MBD5: variants seen among roughly 807,000 people sequenced by gnomAD.
MBD5 encodes the protein methyl-CpG binding domain protein 5.
MBD5 carries 13 observed loss-of-function variants against 117.3 expected under a neutral mutation model. That is an observed-to-expected ratio of 0.11 (90% CI 0.07 to 0.18). MBD5 has a LOEUF of 0.18. Ranked by LOEUF, MBD5 falls within the 10% of genes least tolerant of loss-of-function variation. The probability of loss-of-function intolerance (pLI) is 1.00; values close to 1 mark genes in which losing one functional copy is unlikely to be tolerated. For missense variants in MBD5, 1,879 were observed against 2,093.8 expected, an observed-to-expected ratio of 0.90 and a Z score of 2.00; for synonymous variants, 727 against 766.4, an observed-to-expected ratio of 0.95 and a Z score of 0.85.
intron 3 of MBD5, among the ~76,000 whole-genome samples, chr2:148,239,427 C>T (rs1218513637): frequency 6.6e-6 from 1 of 152,030 alleles, no homozygotes; most frequent in Non-Finnish European, 1.5e-5. Context: ...AATGAAATGC[C>T]CTACGACTTT....
chr2:148,389,221 G>C (rs372574530), intron 4 of MBD5, among the ~76,000 whole-genome samples: 1 of 70,362 alleles, frequency 1.4e-5, no homozygotes, highest in African/African-American at 5.2e-5. Context: ...GTGTGTGTGT[G>C]TGTAATGTGA....
At chr2:148,435,987 C>T (rs759798500) in intron 4 of MBD5, among the ~76,000 whole-genome samples, 20 of 152,242 alleles carry the variant, frequency 1.3e-4, no homozygotes, top group African/African-American at 4.3e-4. Flanking sequence ...TTCAAGTAAA[C>T]GAAGGCAAAT....
rs554899310 is a variant in MBD5 at position 148,456,755 on chromosome 2, A to G, written c.-556-1448A>G. Among the ~76,000 whole-genome samples, 5 of 152,200 alleles carry G rather than the reference A, an allele frequency of 3.3e-5. No individual in the cohort carries two copies. In the South Asian group the frequency reaches 1.0e-3, roughly 32 times the overall value. On this transcript the variant is annotated intron_variant, in intron 4 of 13. Transcript: ENST00000642680. ...TGAAATTTTTCCCAGTAAATTTTTG[A>G]TATTTTCCCCATTGCCTGCCAGTGT...
At chr2:148,334,917 C>T (rs1702748982) in intron 3 of MBD5, among the ~76,000 whole-genome samples, 1 of 151,998 alleles carries the variant, frequency 6.6e-6, no homozygotes, top group Admixed American at 6.6e-5. Context: ...TTTATGTATC[C>T]TATATTTTAT....
chr2:148,465,562 G>C (rs562062339), intron 7 of MBD5, among the ~76,000 whole-genome samples: 1 of 152,202 alleles, frequency 6.6e-6, no homozygotes, highest in East Asian at 1.9e-4. Context: ...CTTTATGGCA[G>C]AACTGAGATT....
At chr2:148,459,262 A>C (rs1574447425) in intron 5 of MBD5, among the ~76,000 whole-genome samples, 1 of 152,256 alleles carries the variant, frequency 6.6e-6, no homozygotes, top group Admixed American at 6.5e-5. Flanking sequence ...TATCCATAGA[A>C]AGTTTCAATT....
At chr2:148,362,438 C>G (rs1348048970) in intron 4 of MBD5, among the ~76,000 whole-genome samples, 2 of 152,158 alleles carry the variant, frequency 1.3e-5, no homozygotes, top group African/African-American at 4.8e-5. Context: ...CTCTCTAGAT[C>G]CCTCCTCTGT....
intron 1 of MBD5, among the ~76,000 whole-genome samples, chr2:148,170,325 T>A (rs1335205673): frequency 6.6e-6 from 1 of 152,242 alleles, no homozygotes; most frequent in Non-Finnish European, 1.5e-5. Context: ...TACTAAGTAA[T>A]GGCTGAAGTA....
chr2:148,396,802 C>G (rs1574378470), intron 4 of MBD5, among the ~76,000 whole-genome samples: 1 of 152,178 alleles, frequency 6.6e-6, no homozygotes, highest in East Asian at 1.9e-4. Flanking sequence ...GGGCACAACT[C>G]CTGTCAACAC....
At chr2:148,329,471 C>G (rs867628043) in intron 3 of MBD5, among the ~76,000 whole-genome samples, 1 of 151,366 alleles carries the variant, frequency 6.6e-6, no homozygotes, top group Non-Finnish European at 1.5e-5. Flanking sequence ...TTTCAATTTC[C>G]CCTTAATGTT....
intron 4 of MBD5, among the ~76,000 whole-genome samples, chr2:148,419,705 G>A (rs1315896652): frequency 6.6e-6 from 1 of 151,950 alleles, no homozygotes; most frequent in Non-Finnish European, 1.5e-5. Context: ...CTTTTTATAT[G>A]TTAGTATTAT....
At chr2:148,494,662 G>T (rs1246311266) in intron 11 of MBD5, among the ~76,000 whole-genome samples, 1 of 152,146 alleles carries the variant, frequency 6.6e-6, no homozygotes, top group South Asian at 2.1e-4. Flanking sequence ...TTAACAATTT[G>T]TAATAAAGTA....
At chr2:148,022,043 A>C (rs1294103786) in intron 1 of MBD5, among the ~76,000 whole-genome samples, 1 of 152,182 alleles carries the variant, frequency 6.6e-6, no homozygotes, top group Non-Finnish European at 1.5e-5. Flanking sequence ...TGTCACTTAA[A>C]AAAAATTCAT....
chr2:148,490,231 A>T lies in MBD5; in HGVS notation c.4599A>T (p.Gly1533=). The stretch of plus-strand genomic sequence containing the variant: ...GGAATAGACCTCGACAGAGTCGGGG[A>T]TTTGGAGAGCTGCTAAGCACTGCAA... The part of the protein sequence containing the change: ...INGNRPRQSR[G]FGELLSTAKQ... The change falls in exon 11 of 14, where the codon GGA becomes GGT. Residue 1533 remains glycine, a synonymous_variant. Coordinates refer to ENST00000642680, the MANE Select transcript of MBD5 (RefSeq NM_001378120.1). 8 of 1,614,212 alleles carry T rather than the reference A, an allele frequency of 5.0e-6. No homozygotes were observed. Among genetic ancestry groups the T allele is most frequent in the Non-Finnish European group, 6.8e-6 (8 of 1,180,050 alleles).
At chr2:148,390,517 A>ATGTG (rs34870884) in intron 4 of MBD5, among the ~76,000 whole-genome samples, 27 of 148,762 alleles carry the variant, frequency 1.8e-4, no homozygotes, top group Non-Finnish European at 2.5e-4. Context: ...GTATGTATAT[A>ATGTG]TGTGTGTGTG....
chr2:148,416,656 T>TA (rs1705430055), intron 4 of MBD5, among the ~76,000 whole-genome samples: 1 of 152,184 alleles, frequency 6.6e-6, no homozygotes, highest in Non-Finnish European at 1.5e-5. Context: ...GGGCACAAGT[T>TA]GTTTTTGTTA....
chr2:148,052,254 A>G (rs1381522633), intron 1 of MBD5, among the ~76,000 whole-genome samples: 2 of 118,984 alleles, frequency 1.7e-5, no homozygotes, highest in Non-Finnish European at 1.6e-5. Context: ...CTTGTAGCCC[A>G]GGCTGGAGTG....
intron 4 of MBD5, among the ~76,000 whole-genome samples, chr2:148,390,563 G>GTATATA (rs10566882): frequency 6.8e-6 from 1 of 147,582 alleles, no homozygotes; most frequent in Non-Finnish European, 1.5e-5. Flanking sequence ...GTGTATGTGT[G>GTATATA]TATATATATA....
In MBD5 at chr2:148,469,337, C is replaced by T. The variant is rs995323575; in HGVS notation, c.1394C>T (p.Thr465Ile). The change falls in exon 8 of 14, where the codon ACA becomes ATA. Residue 465 changes from threonine (T) to isoleucine (I), a missense_variant. Transcript: ENST00000642680. ...CCCCAAAGATCACGCTCATCTTCCA[C>T]ATCATCAGATCATGGAAATTTCATG... ...ASPQRSRSSS[T>I]SSDHGNFMMP... The T allele has an allele frequency of 3.1e-6, 5 of 1,613,622 alleles. No homozygotes were observed. The highest frequency in any genetic ancestry group is 1.6e-4 in the Middle Eastern group (1 of 6,084).
Sources: allele counts gnomAD v4.1 joint callset (sites outside exome capture counted in the v4.1 genomes callset), GRCh38; gene constraint gnomAD v4.1.1; transcripts MANE v1.5; gene names NCBI Gene and HGNC (gene_info 2026-07-23, HGNC 2026-07-21).